Variants in HOXA7 observed in about 807,000 individuals in gnomAD.
HOXA7 encodes homeobox A7.
Under a neutral mutation model 16.8 loss-of-function variants are expected in HOXA7, and 16 were observed. That is an observed-to-expected ratio of 0.95 (90% confidence interval 0.64 to 1.44). HOXA7 has a LOEUF of 1.44. Ranked by LOEUF, HOXA7 falls within the 40% of genes most tolerant of loss-of-function variation. HOXA7 has a pLI of 0.00. For synonymous variants in HOXA7, 169 were observed against 144.3 expected, an observed-to-expected ratio of 1.17 and a Z score of -1.23; for missense variants, 379 against 328.6, an observed-to-expected ratio of 1.15 and a Z score of -1.19.
At position 27,156,541 on chromosome 7, in the gene HOXA7, C is replaced by A. The variant is rs781611799; in HGVS notation, c.5G>T (p.Ser2Ile). The A allele has an allele frequency of 5.1e-6, 8 of 1,569,758 alleles. No homozygotes were observed. Among genetic ancestry groups the A allele is most frequent in the Non-Finnish European group, 6.9e-6 (8 of 1,155,266 alleles). Residue 2 changes from serine to isoleucine, a missense_variant, in exon 1 of 2, where the codon AGT becomes ATT. Transcript: ENST00000242159. ...AAGCGCGTTCACATAATACGAAGAA[C>A]TCATAATTTTGACCTGTGATTTGTT... The part of the protein sequence containing the change: M[S>I]SSYYVNALFS...
chr7:27,156,068 T>G, intron 1 of HOXA7, 99 bp downstream of exon 1: 1 of 1,340,786 alleles, frequency 7.5e-7, no homozygotes, highest in Non-Finnish European at 9.6e-7. Context: ...CTGGCTCCGC[T>G]CTTCCGGCCC....
At position 27,154,014 on chromosome 7, in the gene HOXA7, C is replaced by T. The variant is rs1342239605; in HGVS notation, c.*895G>A. 6.6e-6 allele frequency: 1 copy of T among 152,528 alleles called. No individual in the cohort carries two copies. The highest frequency in any genetic ancestry group is 2.4e-5 in the African/African-American group (1 of 41,454). 9.4% of individuals were successfully genotyped at this position (152,528 alleles called of 1,614,324 possible). ...ATCTTGTTCAAATATACAGTATCTG[C>T]TATTATAGGAAACATCAGGGCGTAC... is the stretch of plus-strand genomic sequence containing the variant. On this transcript the variant is annotated 3_prime_UTR_variant, in exon 2 of 2. Coordinates refer to ENST00000242159, the MANE Select transcript of HOXA7 (RefSeq NM_006896.4).
In HOXA7 at chr7:27,153,970, A is replaced by T. The variant is rs1333351130; in HGVS notation, c.*939T>A. ...TGCCTTACAAATGAACTCCAAGACT[A>T]TAGAAATGATAAAAAAAAATCTTGT... On this transcript the variant is annotated 3_prime_UTR_variant, in exon 2 of 2. Transcript: ENST00000242159. 2 of 152,524 alleles carry T rather than the reference A, an allele frequency of 1.3e-5. No homozygotes were observed. The highest frequency in any genetic ancestry group is 2.9e-5 in the Non-Finnish European group (2 of 67,974). The allele number at this position is 152,524 out of a possible 1,614,324, so 9.4% of individuals were successfully genotyped here.
In HOXA7 at chr7:27,156,296, A is replaced by AG; in HGVS notation, c.249dup (p.Ser84LeufsTer12). ...AGCCCGGGGATGTTTTGGTCGTAGG[A>AG]GGCGCAGGGCAGGTTGCCGTAGGCG... On this transcript the variant is annotated frameshift_variant, in exon 1 of 2. Coordinates refer to ENST00000242159, the MANE Select transcript of HOXA7 (RefSeq NM_006896.4). LOFTEE classifies it high-confidence loss of function. The AG allele has an allele frequency of 3.1e-6, 5 of 1,613,744 alleles. No homozygotes were observed. The highest frequency in any genetic ancestry group is 4.2e-6 in the Non-Finnish European group (5 of 1,179,898).
intron 1 of HOXA7, 158 bp from the exon 2 acceptor site, chr7:27,155,380 G>T: frequency 1.5e-6 from 1 of 680,960 alleles, no homozygotes; most frequent in South Asian, 1.8e-5. Context: ...GGAGGAGGGG[G>T]AGTGTTAGGG....
Position 27,154,878 on chromosome 7 carries a change from T to G in HOXA7, c.*31A>C, listed in dbSNP as rs1235443329. Reference sequence around the variant, plus strand: ...TCTCTTAAAGACGCTTTTCCGACTGTCCGGTGCAGAGAGGGCCCCGGATCG... The same window carrying G: ...TCTCTTAAAGACGCTTTTCCGACTGGCCGGTGCAGAGAGGGCCCCGGATCG... On this transcript the variant is annotated 3_prime_UTR_variant, in exon 2 of 2. Coordinates refer to ENST00000242159, the MANE Select transcript of HOXA7 (RefSeq NM_006896.4). 6.3e-7 allele frequency: 1 copy of G among 1,579,076 alleles called. No individual in the cohort carries two copies. Among genetic ancestry groups the G allele is most frequent in the South Asian group, 1.1e-5 (1 of 87,928 alleles).
chr7:27,154,881 G>C lies in HOXA7; in HGVS notation c.*28C>G. 1 of 1,581,260 alleles carries C rather than the reference G, an allele frequency of 6.3e-7. No homozygotes were observed. The highest frequency in any genetic ancestry group is 1.1e-5 in the South Asian group (1 of 88,318). ...CTTAAAGACGCTTTTCCGACTGTCC[G>C]GTGCAGAGAGGGCCCCGGATCGGCC... On this transcript the variant is annotated 3_prime_UTR_variant, in exon 2 of 2. Transcript: ENST00000242159.
intron 1 of HOXA7, 116 bp downstream of exon 1, chr7:27,156,051 C>T (rs1783100010): frequency 1.6e-6 from 2 of 1,264,852 alleles, no homozygotes; most frequent in Non-Finnish European, 2.0e-6. Flanking sequence ...TACCGGCTCG[C>T]AACAGCCTGG....
chr7:27,154,783 TTTTTTG>T lies in HOXA7; in HGVS notation c.*120_*125del, dbSNP rs549455922. The T allele has an allele frequency of 0.012, 16,691 of 1,404,076 alleles. 131 individuals are homozygous for T. Among genetic ancestry groups the T allele is most frequent in the Non-Finnish European group, 0.014 (15,106 of 1,069,202 alleles). The allele number at this position is 1,404,076 out of a possible 1,614,324, so 87.0% of individuals were successfully genotyped here. A position where few individuals can be genotyped will look rare whatever the true frequency, so the allele number is the denominator to read the frequency against. ...GAGTGCAGGTTGGGGACTGGGTTGC[TTTTTTG>T]TTTTTGTTTTTGTTTTTTACATTTT... On this transcript the variant is annotated 3_prime_UTR_variant, in exon 2 of 2. Transcript: ENST00000242159.
At chr7:27,156,125 G>GTCCCGC (rs1278293705) in intron 1 of HOXA7, 42 bp downstream of exon 1, 5 of 1,433,328 alleles carry the variant, frequency 3.5e-6, no homozygotes, top group Non-Finnish European at 4.6e-6. Flanking sequence ...CCCGCTCCCG[G>GTCCCGC]TCCCGCTCCG....
At chr7:27,156,071 T>C (rs1179198475) in intron 1 of HOXA7, 96 bp downstream of exon 1, 19 of 1,352,004 alleles carry the variant, frequency 1.4e-5, no homozygotes, top group Admixed American at 1.0e-4. Flanking sequence ...GCTCCGCTCT[T>C]CCGGCCCCGC....
In HOXA7 at chr7:27,154,054, TG is replaced by T. The variant is rs1200913287; in HGVS notation, c.*854del. ...TCAGGGCGTACATATTTAACACAGC[TG>T]AACAGTAAGATACAGGAGCCAGAGG... On this transcript the variant is annotated 3_prime_UTR_variant, in exon 2 of 2. Transcript: ENST00000242159. 1.3e-5 allele frequency: 2 copies of T among 152,394 alleles called. No individual in the cohort carries two copies. The highest frequency in any genetic ancestry group is 1.5e-5 in the Non-Finnish European group (1 of 68,070). The allele number at this position is 152,394 out of a possible 1,614,324, so 9.4% of individuals were successfully genotyped here.
In HOXA7 at chr7:27,154,896, C is replaced by T. The variant is rs1365361149; in HGVS notation, c.*13G>A. ...CCGACTGTCCGGTGCAGAGAGGGCC[C>T]CGGATCGGCCCCTCATTCCTCCTCG... On this transcript the variant is annotated 3_prime_UTR_variant, in exon 2 of 2. Transcript: ENST00000242159. The T allele has an allele frequency of 6.2e-7, 1 of 1,601,344 alleles. No individual in the cohort carries two copies. The highest frequency in any genetic ancestry group is 1.3e-5 in the African/African-American group (1 of 74,354).
rs1178859583 is a variant in HOXA7 at position 27,154,301 on chromosome 7, C to T, written c.*608G>A. 6.5e-6 allele frequency: 1 copy of T among 153,014 alleles called. No homozygotes were observed. The highest frequency in any genetic ancestry group is 1.5e-5 in the Non-Finnish European group (1 of 68,334). The allele number at this position is 153,014 out of a possible 1,614,324, so 9.5% of individuals were successfully genotyped here. A position where few individuals can be genotyped will look rare whatever the true frequency, so the allele number is the denominator to read the frequency against. ...TTTTCGATTTAAATAGATGCCAATA[C>T]CCTGATCCTGGACCTCAGCACATTC... On this transcript the variant is annotated 3_prime_UTR_variant, in exon 2 of 2. Transcript: ENST00000242159.
rs749850344 is a variant in HOXA7, at chr7:27,156,404, C to G, written c.142G>C (p.Ala48Pro). 9 of 1,613,762 alleles carry G rather than the reference C, an allele frequency of 5.6e-6. No homozygotes were observed. Among genetic ancestry groups the G allele is most frequent in the Non-Finnish European group, 6.8e-6 (8 of 1,179,784 alleles). The change falls in exon 1 of 2, where the codon GCC becomes CCC. Residue 48 changes from alanine to proline, a missense_variant. By Grantham distance (27) the Ala-to-Pro change is conservative. Transcript: ENST00000242159. ...SGYGAGAGAF[A>P]STVPGLYNVN... ...TTGTATAAGCCCGGAACGGTCGAGG[C>G]GAAGGCGCCGGCGCCCGCCCCGTAG...
Position 27,155,540 on chromosome 7 carries a change from G to A in HOXA7, c.380-318C>T, listed in dbSNP as rs149037629. ...AAGGAAAACTGTAAATATAGAGTGT[G>A]AGCAAGTGGGAAACGCTGCACTTTT... On this transcript the variant is annotated intron_variant, in intron 1 of 1. Transcript: ENST00000242159. 4.2e-3 allele frequency: 1,529 copies of A among 365,884 alleles called. 9 individuals carry two copies. Among genetic ancestry groups the A allele is most frequent in the Non-Finnish European group, 5.5e-3 (1,105 of 201,396 alleles). 22.7% of individuals were successfully genotyped at this position (365,884 alleles called of 1,614,324 possible).
intron 1 of HOXA7, 62 bp downstream of exon 1, chr7:27,156,105 C>G: frequency 7.1e-7 from 1 of 1,413,622 alleles, no homozygotes. Flanking sequence ...CGCTCCCCAG[C>G]GCTGCGCTCC....
rs1783102464 is a variant in HOXA7 at position 27,156,153 on chromosome 7, G to A, written c.379+14C>T. On this transcript the variant is annotated intron_variant, in intron 1 of 1. Transcript: ENST00000242159. Reference sequence around the variant, plus strand: ...CCGCTCCGCCAGCCTGGCCCGCCTAGCGACTGCGCCTACCTGAAGACCGCA... The same window carrying A: ...CCGCTCCGCCAGCCTGGCCCGCCTAACGACTGCGCCTACCTGAAGACCGCA... The A allele has an allele frequency of 2.0e-6, 3 of 1,490,088 alleles. No homozygotes were observed. The highest frequency in any genetic ancestry group is 2.7e-6 in the Non-Finnish European group (3 of 1,119,994). 92.3% of individuals were successfully genotyped at this position (1,490,088 alleles called of 1,614,324 possible).
At position 27,156,195 on chromosome 7, in the gene HOXA7, G is replaced by A; in HGVS notation, c.351C>T (p.Phe117=). 6.3e-7 allele frequency: 1 copy of A among 1,583,870 alleles called. No individual in the cohort carries two copies. Among genetic ancestry groups the A allele is most frequent in the Non-Finnish European group, 8.6e-7 (1 of 1,164,416 alleles). Residue 117 remains phenylalanine (F), a synonymous_variant, in exon 1 of 2, where the codon TTC becomes TTT. Transcript: ENST00000242159. The part of the protein sequence containing the change: ...GALHGAAEAN[F]RIYPWMRSSG... Reference sequence around the variant, plus strand: ...AAGACCGCATCCAGGGGTAGATGCGGAAATTGGCCTCAGCCGCGCCATGCA... The same window carrying A: ...AAGACCGCATCCAGGGGTAGATGCGAAAATTGGCCTCAGCCGCGCCATGCA...
Sources: allele counts gnomAD v4.1 joint callset, GRCh38; gene constraint gnomAD v4.1.1; transcripts MANE v1.5; gene names NCBI Gene and HGNC (gene_info 2026-07-23, HGNC 2026-07-21).